The following PARP8 variants were observed in gnomAD, a reference collection of about 807,000 sequenced individuals.
The protein encoded by PARP8 is protein mono-ADP-ribosyltransferase PARP8.
PARP8 carries 51 observed loss-of-function variants against 124.1 expected under a neutral mutation model. The ratio of observed to expected loss-of-function variants is 0.41; its 90% CI spans 0.33 to 0.52. The LOEUF (loss-of-function observed/expected upper bound fraction) is 0.52. PARP8 is among the 20% of genes least tolerant of loss of function. PARP8 has a pLI of 0.21. For synonymous variants in PARP8, 391 were observed against 361.5 expected (o/e 1.08, Z -0.93); for missense variants, 860 against 1,018.9 (o/e 0.84, Z 2.12).
Position 50,821,196 on chromosome 5 carries a change from T to A in PARP8, c.1669-17T>A, listed in dbSNP as rs745710969. The A allele has an allele frequency of 6.2e-7, 1 of 1,613,790 alleles. No individual in the cohort carries two copies. Among genetic ancestry groups the A allele is most frequent in the South Asian group, 1.1e-5 (1 of 91,066 alleles). On this transcript the variant is annotated splice_polypyrimidine_tract_variant and intron_variant, in intron 15 of 25. Coordinates refer to ENST00000281631, the MANE Select transcript of PARP8 (RefSeq NM_024615.4). ...AAAACCTGAAGGGTAGTAACTATCT[T>A]ATGTGTATATTTCAAGGTGGTAGAT...
At chr5:50,836,700 G>A (rs893684239) in intron 25 of PARP8, among the ~76,000 whole-genome samples, 2 of 152,174 alleles carry the variant, frequency 1.3e-5, no homozygotes, top group African/African-American at 4.8e-5. Context: ...AGTTTATTAT[G>A]AGGATTAATT....
rs374027430 is a variant in PARP8 at position 50,696,563 on chromosome 5, G to A, written c.146+28438G>A. On this transcript the variant is annotated intron_variant, in intron 2 of 25. Transcript: ENST00000281631. ...TCTTGCTCTTTCCCTCTGCAACAGCGTTTCATGCTCTTCATTTTCCCTTTG... is the reference window on the plus strand; with the variant it reads ...TCTTGCTCTTTCCCTCTGCAACAGCATTTCATGCTCTTCATTTTCCCTTTG... 8.5e-5 allele frequency among the ~76,000 whole-genome samples: 13 copies of A among 152,228 alleles called. No homozygotes were observed. The East Asian group carries it at 2.3e-3, about 27-fold the overall frequency.
Position 50,812,718 on chromosome 5 carries a change from T to C in PARP8, c.1576-2714T>C, listed in dbSNP as rs567640347. ...CCTAGGTTTTCTTCTAGGGTTTTTA[T>C]GGTTTTAGGTGTAGCATTTAAGTCT... is the stretch of plus-strand genomic sequence containing the variant. On this transcript the variant is annotated intron_variant, in intron 14 of 25. Coordinates refer to ENST00000281631, the MANE Select transcript of PARP8 (RefSeq NM_024615.4). 3.9e-5 allele frequency among the ~76,000 whole-genome samples: 6 copies of C among 152,250 alleles called. No homozygotes were observed. The East Asian group carries it at 1.2e-3, about 29-fold the overall frequency.
At chr5:50,760,144 C>T (rs1760398874) in intron 4 of PARP8, 148 bp from the exon 5 acceptor site, 2 of 767,472 alleles carry the variant, frequency 2.6e-6, no homozygotes, top group South Asian at 2.6e-5. Flanking sequence ...TGTAACTCCT[C>T]AACATGACAT....
chr5:50,712,436 CTAT>C (rs1489354009), intron 2 of PARP8, among the ~76,000 whole-genome samples: 1 of 152,064 alleles, frequency 6.6e-6, no homozygotes, highest in African/African-American at 2.4e-5. Flanking sequence ...TTTTTAGAAT[CTAT>C]TCAACTTCAT....
intron 7 of PARP8, among the ~76,000 whole-genome samples, chr5:50,771,543 T>C (rs1561356586): frequency 6.6e-6 from 1 of 152,260 alleles, no homozygotes; most frequent in Non-Finnish European, 1.5e-5. Context: ...ATTTTGGTCA[T>C]AGATATCAAA....
chr5:50,761,703 T>C, intron 5 of PARP8, 118 bp from the exon 6 acceptor site: 1 of 597,682 alleles, frequency 1.7e-6, no homozygotes. Context: ...TGCACCAAGA[T>C]GTTTTATATA....
chr5:50,789,357 T>A (rs371982318), intron 10 of PARP8, among the ~76,000 whole-genome samples: 1 of 152,168 alleles, frequency 6.6e-6, no homozygotes, highest in Non-Finnish European at 1.5e-5. Context: ...GACACAAGAA[T>A]TGGCTCTCAA....
At chr5:50,675,266 G>C (rs1750482647) in intron 2 of PARP8, among the ~76,000 whole-genome samples, 1 of 152,156 alleles carries the variant, frequency 6.6e-6, no homozygotes, top group African/African-American at 2.4e-5. Context: ...AACTAACTCT[G>C]AAGTGCTGTA....
chr5:50,741,792 A>G, intron 2 of PARP8: 1 of 430,614 alleles, frequency 2.3e-6, no homozygotes, highest in South Asian at 1.7e-5. Context: ...GGTGAGAAAG[A>G]TGTGTTTTCT....
At chr5:50,731,960 G>A (rs547280030) in intron 2 of PARP8, among the ~76,000 whole-genome samples, 2 of 152,140 alleles carry the variant, frequency 1.3e-5, no homozygotes, top group Non-Finnish European at 2.9e-5. Context: ...ATCTCCCTAC[G>A]GATATATTAT....
intron 14 of PARP8, among the ~76,000 whole-genome samples, chr5:50,808,977 C>T (rs1201101867): frequency 6.6e-6 from 1 of 151,840 alleles, no homozygotes; most frequent in Non-Finnish European, 1.5e-5. Context: ...GAAATACTAA[C>T]TAAAATAATA....
chr5:50,810,427 A>G (rs549529964), intron 14 of PARP8, among the ~76,000 whole-genome samples: 36 of 152,190 alleles, frequency 2.4e-4, no homozygotes, highest in African/African-American at 8.4e-4. Flanking sequence ...TAAAATGACT[A>G]TGTGCGTTTT....
intron 3 of PARP8, among the ~76,000 whole-genome samples, chr5:50,752,474 G>C (rs1759366632): frequency 6.6e-6 from 1 of 151,936 alleles, no homozygotes; most frequent in African/African-American, 2.4e-5. Context: ...AAGTTTCTAT[G>C]TTGGTGAAAT....
chr5:50,704,232 G>A (rs1264928548), intron 2 of PARP8, among the ~76,000 whole-genome samples: 1 of 152,000 alleles, frequency 6.6e-6, no homozygotes, highest in African/African-American at 2.4e-5. Context: ...ATTACTTCTT[G>A]TGGCTAGCTC....
intron 7 of PARP8, among the ~76,000 whole-genome samples, chr5:50,776,495 CT>C (rs1310474035): frequency 6.6e-6 from 1 of 152,070 alleles, no homozygotes; most frequent in African/African-American, 2.4e-5. Context: ...CTTTGATGGT[CT>C]TTAAAAAGGA....
chr5:50,750,964 A>G lies in PARP8; in HGVS notation c.184+776A>G, dbSNP rs75320840. Among the ~76,000 whole-genome samples the G allele has an allele frequency of 1.2e-3, 186 of 152,272 alleles. 4 individuals are homozygous for G. The East Asian group carries it at 0.03, about 25-fold the overall frequency. The stretch of plus-strand genomic sequence containing the variant: ...GGTTATGCAGTCAGCCCTGTCTGAT[A>G]GTGTAGCATGTTTTTGATGCTATGT... On this transcript the variant is annotated intron_variant, in intron 3 of 25. Coordinates refer to ENST00000281631, the MANE Select transcript of PARP8 (RefSeq NM_024615.4).
At chr5:50,833,335 G>A (rs1416484565) in intron 23 of PARP8, 3 of 404,530 alleles carry the variant, frequency 7.4e-6, no homozygotes, top group African/African-American at 6.3e-5. Context: ...TACAGATGAT[G>A]AGTGCGTGAG....
chr5:50,797,121 C>T lies in PARP8; in HGVS notation c.1480-17C>T. On this transcript the variant is annotated splice_polypyrimidine_tract_variant and intron_variant, in intron 13 of 25. Transcript: ENST00000281631. ...TATGAGCTTGTCTTAATTATTTTTCCTTACTGTTTTATTCAGACAATTGAG... is the reference window on the plus strand; with the variant it reads ...TATGAGCTTGTCTTAATTATTTTTCTTTACTGTTTTATTCAGACAATTGAG... 6.2e-7 allele frequency: 1 copy of T among 1,609,358 alleles called. No individual in the cohort carries two copies. Among genetic ancestry groups the T allele is most frequent in the Non-Finnish European group, 8.5e-7 (1 of 1,177,060 alleles).
Sources: allele counts gnomAD v4.1 joint callset (sites outside exome capture counted in the v4.1 genomes callset), GRCh38; gene constraint gnomAD v4.1.1; transcripts MANE v1.5; gene names NCBI Gene and HGNC (gene_info 2026-07-23, HGNC 2026-07-21).